Variants in PBX1 observed in about 807,000 individuals in gnomAD.
PBX1 encodes the protein pre-B-cell leukemia transcription factor 1.
A neutral mutation model predicts 53.4 loss-of-function variants in PBX1; 6 were observed. That is an observed-to-expected ratio of 0.11 (90% CI 0.06 to 0.22). The LOEUF (loss-of-function observed/expected upper bound fraction) is 0.22. Ranked by LOEUF, PBX1 falls within the 10% of genes least tolerant of loss-of-function variation. The pLI is 1.00. For synonymous variants in PBX1, 204 were observed against 212.3 expected (o/e 0.96, Z 0.34); for missense variants, 251 against 551.4 (o/e 0.46, Z 5.46).
chr1:164,667,434 A>ATGTGTG (rs1660871049), intron 2 of PBX1, among the ~76,000 whole-genome samples: 1 of 118,452 alleles, frequency 8.4e-6, no homozygotes, highest in African/African-American at 2.9e-5. Flanking sequence ...GTGTGTGTGT[A>ATGTGTG]TATATGTATA....
intron 1 of PBX1, chr1:164,562,696 T>C (rs1010648609): frequency 1.3e-5 from 2 of 152,248 alleles, no homozygotes; most frequent in African/African-American, 4.8e-5. Flanking sequence ...ACTCTTTAAC[T>C]TGGGGACTGA....
chr1:164,872,973 A>G (rs950312189), intron 2 of PBX1, among the ~76,000 whole-genome samples: 2 of 152,232 alleles, frequency 1.3e-5, no homozygotes, highest in African/African-American at 2.4e-5. Context: ...GTATTTCTCC[A>G]ACAGACATTG....
At chr1:164,653,710 CG>C (rs1659979233) in intron 2 of PBX1, among the ~76,000 whole-genome samples, 1 of 152,110 alleles carries the variant, frequency 6.6e-6, no homozygotes, top group Non-Finnish European at 1.5e-5. Flanking sequence ...GCGGAGGTTG[CG>C]GTGAGCCAAG....
At chr1:164,664,923 AT>A (rs1660721233) in intron 2 of PBX1, among the ~76,000 whole-genome samples, 1 of 152,050 alleles carries the variant, frequency 6.6e-6, no homozygotes, top group Non-Finnish European at 1.5e-5. Context: ...ATACATGGGA[AT>A]TCAAGATGAG....
intron 8 of PBX1, among the ~76,000 whole-genome samples, chr1:164,839,083 T>G (rs1671174602): frequency 6.6e-6 from 1 of 152,206 alleles, no homozygotes; most frequent in Non-Finnish European, 1.5e-5. Flanking sequence ...TTTGAGTCCC[T>G]TGGAGACTCT....
chr1:164,710,264 T>C (rs1302565348), intron 2 of PBX1, among the ~76,000 whole-genome samples: 2 of 152,200 alleles, frequency 1.3e-5, no homozygotes, highest in South Asian at 2.1e-4. Flanking sequence ...TAGATTCATA[T>C]ACCGTTTTTC....
intron 2 of PBX1, among the ~76,000 whole-genome samples, chr1:164,868,034 C>T (rs1220109515): frequency 1.3e-5 from 2 of 152,206 alleles, no homozygotes; most frequent in African/African-American, 4.8e-5. Context: ...ATTCTCAAAA[C>T]AGACAAATGT....
chr1:164,811,362 A>T (rs2102344296), intron 5 of PBX1, among the ~76,000 whole-genome samples: 1 of 152,334 alleles, frequency 6.6e-6, no homozygotes, highest in South Asian at 2.1e-4. Context: ...AAACCCTAGA[A>T]TTCAAGGGGA....
At position 164,559,646 on chromosome 1, in the gene PBX1, A is replaced by C. The variant is rs1422212039; in HGVS notation, c.-177A>C. ...CCCTCCCCCTCCTCATCCTCCCACC[A>C]TCCTCTAAAGAGGCAAAGGGATTTT... On this transcript the variant is annotated 5_prime_UTR_variant, in exon 1 of 9. Transcript: ENST00000420696. 42 of 181,992 alleles carry C rather than the reference A, an allele frequency of 2.3e-4. No homozygotes were observed. The highest frequency in any genetic ancestry group is 7.4e-4 in the South Asian group (7 of 9,492). The allele number at this position is 181,992 out of a possible 1,614,324, so 11.3% of individuals were successfully genotyped here. A position where few individuals can be genotyped will look rare whatever the true frequency, so the allele number is the denominator to read the frequency against.
At chr1:164,649,122 G>A (rs1200576533) in intron 2 of PBX1, among the ~76,000 whole-genome samples, 1 of 152,114 alleles carries the variant, frequency 6.6e-6, no homozygotes, top group Non-Finnish European at 1.5e-5. Flanking sequence ...TTGGCCTACA[G>A]ATCTAGTTAG....
At position 164,805,845 on chromosome 1, in the gene PBX1, G is replaced by A. The variant is rs989090976; in HGVS notation, c.702-1697G>A. On this transcript the variant is annotated intron_variant, in intron 4 of 8. Coordinates refer to ENST00000420696, the MANE Select transcript of PBX1 (RefSeq NM_002585.4). The stretch of plus-strand genomic sequence containing the variant: ...TGACCCAGAAACTCAGCATGATTTA[G>A]GAGAGTGACTTGGGCTTGGCATAAT... Among the ~76,000 whole-genome samples the A allele has an allele frequency of 5.3e-5, 8 of 152,302 alleles. No individual in the cohort carries two copies. In the South Asian group the frequency reaches 1.7e-3, roughly 32 times the overall value.
chr1:164,710,628 C>T (rs1426048947), intron 2 of PBX1, among the ~76,000 whole-genome samples: 1 of 152,078 alleles, frequency 6.6e-6, no homozygotes, highest in East Asian at 1.9e-4. Flanking sequence ...TCAGGCTGGT[C>T]TCAAACTCCC....
chr1:164,704,102 C>T (rs945500620), intron 2 of PBX1, among the ~76,000 whole-genome samples: 1 of 152,070 alleles, frequency 6.6e-6, no homozygotes, highest in Non-Finnish European at 1.5e-5. Flanking sequence ...TGAAGGAAAA[C>T]AGATACAAGT....
At chr1:164,673,428 AC>A in intron 2 of PBX1, among the ~76,000 whole-genome samples, 1 of 144,370 alleles carries the variant, frequency 6.9e-6, no homozygotes, top group Non-Finnish European at 1.5e-5. Flanking sequence ...CATCAGCCCA[AC>A]CTCTCTGGCA....
At chr1:164,720,732 T>TA (rs1321658637) in intron 2 of PBX1, among the ~76,000 whole-genome samples, 2 of 152,230 alleles carry the variant, frequency 1.3e-5, no homozygotes, top group Non-Finnish European at 2.9e-5. Context: ...CAGGTCTAGC[T>TA]AATGTCTTAT....
chr1:164,578,049 C>A (rs757645621), intron 2 of PBX1, among the ~76,000 whole-genome samples: 1 of 152,164 alleles, frequency 6.6e-6, no homozygotes, highest in Non-Finnish European at 1.5e-5. Context: ...TCCTCCTACT[C>A]ATTTATTCTA....
chr1:164,831,913 G>A (rs934338673), intron 8 of PBX1, among the ~76,000 whole-genome samples: 1 of 152,134 alleles, frequency 6.6e-6, no homozygotes, highest in African/African-American at 2.4e-5. Flanking sequence ...AATCAAATGA[G>A]ATGGTTTAGT....
chr1:164,831,206 T>C (rs1329810340), intron 8 of PBX1, among the ~76,000 whole-genome samples: 1 of 152,206 alleles, frequency 6.6e-6, no homozygotes, highest in African/African-American at 2.4e-5. Flanking sequence ...CATCTTGATT[T>C]CTTTTCATTC....
chr1:164,789,585 A>G (rs1264806678), intron 2 of PBX1, among the ~76,000 whole-genome samples: 2 of 152,224 alleles, frequency 1.3e-5, no homozygotes, highest in East Asian at 1.9e-4. Flanking sequence ...TGTCAGCTCA[A>G]GTAGGCAGTG....
Sources: gnomAD v4.1 joint callset for allele counts (sites outside exome capture counted in the v4.1 genomes callset) on GRCh38, gnomAD v4.1.1 for gene constraint, MANE v1.5 for transcripts, NCBI Gene and HGNC (gene_info 2026-07-23, HGNC 2026-07-21) for gene names.